Variants in SENP6 observed in about 807,000 individuals in gnomAD.
The protein encoded by SENP6 is SUMO specific peptidase 6, also known as sentrin-specific protease 6.
Under a neutral mutation model 134.5 loss-of-function variants are expected in SENP6, and 41 were observed. That is an observed-to-expected ratio of 0.30 (90% CI 0.24 to 0.40). The LOEUF is 0.40. SENP6 is among the 10% of genes least tolerant of loss of function. The pLI is 1.00. For missense variants in SENP6, 1,248 were observed against 1,312.5 expected, an observed-to-expected ratio of 0.95 and a Z score of 0.76; for synonymous variants, 395 against 429.8, an observed-to-expected ratio of 0.92 and a Z score of 1.00.
intron 16 of SENP6, among the ~76,000 whole-genome samples, chr6:75,693,409 TAAAA>T (rs534341760): frequency 1.6e-5 from 2 of 123,994 alleles, no homozygotes; most frequent in Non-Finnish European, 3.3e-5. Flanking sequence ...GTCTGAAATT[TAAAA>T]AAAAAAAAAA....
intron 6 of SENP6, among the ~76,000 whole-genome samples, chr6:75,643,165 A>G (rs1362372305): frequency 6.6e-6 from 1 of 152,198 alleles, no homozygotes; most frequent in Non-Finnish European, 1.5e-5. Context: ...AAAAGAGGAA[A>G]CAAAATGAAA....
At chr6:75,652,685 AAAAAAAAAAAAAAAAAAAG>A (rs1355597020) in intron 7 of SENP6, among the ~76,000 whole-genome samples, 1 of 73,678 alleles carries the variant, frequency 1.4e-5, no homozygotes, top group Non-Finnish European at 3.6e-5. Context: ...AAAAATCTCA[AAAAAAAAAAAAAAAAAAAG>A]AAAAAGAAAA....
intron 2 of SENP6, among the ~76,000 whole-genome samples, chr6:75,623,347 A>T (rs569097166): frequency 2.2e-4 from 33 of 152,190 alleles, no homozygotes; most frequent in African/African-American, 8.0e-4. Flanking sequence ...GTTAATAGAT[A>T]CATTAGTTTA....
At chr6:75,636,794 C>T (rs1373491415) in intron 5 of SENP6, among the ~76,000 whole-genome samples, 1 of 151,988 alleles carries the variant, frequency 6.6e-6, no homozygotes, top group African/African-American at 2.4e-5. Flanking sequence ...AGGGATTTAG[C>T]ACAATTGTTA....
intron 1 of SENP6, among the ~76,000 whole-genome samples, chr6:75,612,951 T>C (rs1467422944): frequency 6.6e-6 from 1 of 151,940 alleles, no homozygotes; most frequent in Admixed American, 6.6e-5. Context: ...CCATCACTAC[T>C]AAAAATACAA....
At chr6:75,695,664 G>T in intron 16 of SENP6, 140 bp from the exon 17 acceptor site, 1 of 487,422 alleles carries the variant, frequency 2.1e-6, no homozygotes, top group Non-Finnish European at 3.5e-6. Context: ...TTGAACCCAG[G>T]AGGTGGAGGT....
chr6:75,608,922 ATTGT>A (rs1441768094), intron 1 of SENP6, among the ~76,000 whole-genome samples: 3 of 152,162 alleles, frequency 2.0e-5, no homozygotes, highest in African/African-American at 7.2e-5. Flanking sequence ...TTTAGTTTGC[ATTGT>A]TTTTCTTTCA....
chr6:75,605,042 C>T (rs1181804292), intron 1 of SENP6, among the ~76,000 whole-genome samples: 1 of 152,238 alleles, frequency 6.6e-6, no homozygotes, highest in South Asian at 2.1e-4. Context: ...CATTCGCACT[C>T]CAGCCTGGGC....
In SENP6 at chr6:75,688,545, C is replaced by A. The variant is rs546789971; in HGVS notation, c.2076-7259C>A. ...ATCTTGGAACCGCCACCCCACCCCC[C>A]CGTCCAGGATTATATTCTATTTAGT... is the stretch of plus-strand genomic sequence containing the variant. On this transcript the variant is annotated intron_variant, in intron 16 of 23. Transcript: ENST00000447266. Among the ~76,000 whole-genome samples, 27 of 152,186 alleles carry A rather than the reference C, an allele frequency of 1.8e-4. 1 individual carries two copies. The highest frequency in any genetic ancestry group is 5.3e-4 in the African/African-American group (22 of 41,528).
chr6:75,685,382 C>G (rs144700593), intron 16 of SENP6, among the ~76,000 whole-genome samples: 3 of 152,014 alleles, frequency 2.0e-5, no homozygotes, highest in Admixed American at 1.3e-4. Flanking sequence ...TCTCTATCTC[C>G]TTCAGTTCTG....
intron 18 of SENP6, among the ~76,000 whole-genome samples, chr6:75,701,413 A>T (rs919512801): frequency 1.3e-5 from 2 of 152,138 alleles, no homozygotes; most frequent in African/African-American, 2.4e-5. Context: ...TAATACTTAA[A>T]TTTTTGTGCA....
At chr6:75,689,097 C>T (rs1021484317) in intron 16 of SENP6, among the ~76,000 whole-genome samples, 5 of 152,052 alleles carry the variant, frequency 3.3e-5, no homozygotes, top group South Asian at 2.1e-4. Context: ...CATGGTGGTG[C>T]ACACCTATAG....
chr6:75,645,367 G>C (rs1433375033), intron 6 of SENP6, among the ~76,000 whole-genome samples: 2 of 152,170 alleles, frequency 1.3e-5, no homozygotes, highest in Non-Finnish European at 2.9e-5. Flanking sequence ...TGTAATCTCA[G>C]CACTTTGGGA....
intron 1 of SENP6, among the ~76,000 whole-genome samples, chr6:75,609,207 G>T (rs563611830): frequency 2.6e-5 from 4 of 152,022 alleles, no homozygotes; most frequent in African/African-American, 4.8e-5. Flanking sequence ...CTTTCTCCCC[G>T]CTTCCTCATC....
At chr6:75,609,733 T>G (rs1395287208) in intron 1 of SENP6, among the ~76,000 whole-genome samples, 1 of 152,220 alleles carries the variant, frequency 6.6e-6, no homozygotes, top group Non-Finnish European at 1.5e-5. Flanking sequence ...TTCAAAGATA[T>G]AAATAGCATA....
At chr6:75,682,287 A>C (rs1330462864) in intron 16 of SENP6, among the ~76,000 whole-genome samples, 2 of 152,206 alleles carry the variant, frequency 1.3e-5, no homozygotes, top group East Asian at 3.8e-4. Flanking sequence ...AAAATTGGAG[A>C]TGTTAGTACC....
At chr6:75,621,667 A>G (rs756150201) in intron 2 of SENP6, 42 bp downstream of exon 2, 1 of 1,200,440 alleles carries the variant, frequency 8.3e-7, no homozygotes, top group South Asian at 1.3e-5. Flanking sequence ...TAAGAATAAA[A>G]CTTCTCATTA....
intron 11 of SENP6, among the ~76,000 whole-genome samples, chr6:75,672,515 G>A (rs143187747): frequency 6.6e-6 from 1 of 152,330 alleles, no homozygotes; most frequent in Non-Finnish European, 1.5e-5. Flanking sequence ...GAAATTTGCA[G>A]TGTGGTATTA....
intron 1 of SENP6, among the ~76,000 whole-genome samples, chr6:75,607,828 A>T (rs1438267255): frequency 6.6e-6 from 1 of 152,162 alleles, no homozygotes; most frequent in Non-Finnish European, 1.5e-5. Context: ...TTTATGTTAT[A>T]TATAAACTCA....
Sources: allele counts gnomAD v4.1 joint callset (sites outside exome capture counted in the v4.1 genomes callset), GRCh38; gene constraint gnomAD v4.1.1; transcripts MANE v1.5; gene names NCBI Gene and HGNC (gene_info 2026-07-23, HGNC 2026-07-21).